TMTC2: variants seen among roughly 807,000 people sequenced by gnomAD.
TMTC2 encodes the protein transmembrane O-mannosyltransferase targeting cadherins 2, also known as protein O-mannosyl-transferase TMTC2.
Under a neutral mutation model 82.4 loss-of-function variants are expected in TMTC2, and 43 were observed. The ratio of observed to expected loss-of-function variants is 0.52; its 90% confidence interval spans 0.41 to 0.67. The LOEUF (loss-of-function observed/expected upper bound fraction) is 0.67. Ranked by LOEUF, TMTC2 falls within the 30% of genes least tolerant of loss-of-function variation. The pLI, the probability that TMTC2 is intolerant of heterozygous loss-of-function variation, is 0.00. For missense variants in TMTC2, 919 were observed against 1,012.4 expected, an observed-to-expected ratio of 0.91 and a Z score of 1.25; for synonymous variants, 408 against 381.9, an observed-to-expected ratio of 1.07 and a Z score of -0.80.
At chr12:82,868,699 CT>C (rs59925659) in intron 2 of TMTC2, among the ~76,000 whole-genome samples, 30,215 of 132,540 alleles carry the variant, frequency 0.23, 7,568 homozygotes, top group African/African-American at 0.65. Flanking sequence ...AAGTCTCTCT[CT>C]TTTTTTTTTT....
intron 8 of TMTC2, among the ~76,000 whole-genome samples, chr12:83,002,852 G>A (rs1328152163): frequency 6.6e-6 from 1 of 151,618 alleles, no homozygotes; most frequent in Non-Finnish European, 1.5e-5. Flanking sequence ...TATGTTCTAT[G>A]TGCAGATGAG....
intron 11 of TMTC2, among the ~76,000 whole-genome samples, chr12:83,082,277 A>C (rs560216636): frequency 1.3e-5 from 2 of 152,224 alleles, no homozygotes; most frequent in Admixed American, 1.3e-4. Flanking sequence ...TGTATCATTT[A>C]AAGTGTGCTA....
At chr12:82,761,926 C>A (rs531316483) in intron 1 of TMTC2, among the ~76,000 whole-genome samples, 12 of 139,494 alleles carry the variant, frequency 8.6e-5, no homozygotes, top group Non-Finnish European at 1.7e-4. Flanking sequence ...CTTTCTCTTT[C>A]CTTTCTTCCT....
intron 8 of TMTC2, among the ~76,000 whole-genome samples, chr12:82,997,221 C>CTCTCTCTCTATA (rs1451262969): frequency 1.7e-5 from 2 of 118,512 alleles, no homozygotes; most frequent in African/African-American, 7.4e-5. Flanking sequence ...CTCTCTCTCT[C>CTCTCTCTCTATA]TATATATATA....
At chr12:82,980,911 C>A (rs562358568) in intron 7 of TMTC2, among the ~76,000 whole-genome samples, 1 of 151,814 alleles carries the variant, frequency 6.6e-6, no homozygotes, top group South Asian at 2.1e-4. Flanking sequence ...TCATACATAC[C>A]CCACATTTTT....
At chr12:82,800,885 T>C (rs745729896) in intron 1 of TMTC2, among the ~76,000 whole-genome samples, 3 of 152,222 alleles carry the variant, frequency 2.0e-5, no homozygotes, top group Non-Finnish European at 4.4e-5. Context: ...TACATCATTA[T>C]TAAACAACAA....
intron 2 of TMTC2, among the ~76,000 whole-genome samples, chr12:82,884,890 T>A (rs1190391224): frequency 6.6e-6 from 1 of 152,096 alleles, no homozygotes; most frequent in African/African-American, 2.4e-5. Flanking sequence ...TTTTTCAGAC[T>A]TTTTTTGTTT....
At chr12:83,001,862 A>C (rs2137368846) in intron 8 of TMTC2, among the ~76,000 whole-genome samples, 1 of 152,250 alleles carries the variant, frequency 6.6e-6, no homozygotes, top group East Asian at 1.9e-4. Context: ...CACTGTTAGA[A>C]TAAACAAAGT....
At chr12:82,811,374 G>A (rs928549659) in intron 1 of TMTC2, among the ~76,000 whole-genome samples, 3 of 151,984 alleles carry the variant, frequency 2.0e-5, no homozygotes, top group African/African-American at 4.8e-5. Context: ...ATCTGCCCTT[G>A]TAGAAATTTT....
At chr12:82,800,851 G>T (rs1184708292) in intron 1 of TMTC2, among the ~76,000 whole-genome samples, 1 of 152,102 alleles carries the variant, frequency 6.6e-6, no homozygotes, top group African/African-American at 2.4e-5. Flanking sequence ...TTTGTGTGTG[G>T]CTTAGAGCTG....
chr12:82,960,639 A>G (rs913314726), intron 4 of TMTC2, among the ~76,000 whole-genome samples: 3 of 151,778 alleles, frequency 2.0e-5, no homozygotes, highest in African/African-American at 7.3e-5. Flanking sequence ...AGAGGGAGGG[A>G]GGAAAGGAGG....
rs1447471661 is a variant in TMTC2, at chr12:82,978,449, T to C, written c.1949-7476T>C. Among the ~76,000 whole-genome samples, 3 of 151,760 alleles carry C rather than the reference T, an allele frequency of 2.0e-5. No individual in the cohort carries two copies. The East Asian group carries it at 5.8e-4, about 29-fold the overall frequency. ...GAATTCAAAACCAATCCATCTAAAA[T>C]ACTATTTTGGTATATATGTTTAATT... On this transcript the variant is annotated intron_variant, in intron 7 of 11. Transcript: ENST00000321196.
intron 1 of TMTC2, among the ~76,000 whole-genome samples, chr12:82,707,544 T>A (rs1873420866): frequency 6.6e-6 from 1 of 152,228 alleles, no homozygotes; most frequent in African/African-American, 2.4e-5. Context: ...ATGGTGATCT[T>A]CATGACCATT....
intron 11 of TMTC2, among the ~76,000 whole-genome samples, chr12:83,091,033 T>G (rs1033779230): frequency 5.3e-5 from 8 of 152,212 alleles, no homozygotes; most frequent in African/African-American, 1.9e-4. Context: ...TCTGGGTGGT[T>G]TGTTAATCAC....
At chr12:83,123,709 G>A (rs370551909) in intron 11 of TMTC2, among the ~76,000 whole-genome samples, 27 of 152,090 alleles carry the variant, frequency 1.8e-4, no homozygotes, top group Non-Finnish European at 2.9e-4. Context: ...CTATTGGGGC[G>A]ACTCTTCACT....
chr12:82,728,875 G>A (rs1565724604), intron 1 of TMTC2, among the ~76,000 whole-genome samples: 1 of 152,198 alleles, frequency 6.6e-6, no homozygotes, highest in Non-Finnish European at 1.5e-5. Context: ...CAGCCAGCCA[G>A]CCCGCTGCAC....
intron 3 of TMTC2, among the ~76,000 whole-genome samples, chr12:82,912,815 G>C (rs529075938): frequency 6.6e-6 from 1 of 152,036 alleles, no homozygotes; most frequent in South Asian, 2.1e-4. Flanking sequence ...GTGCATACCT[G>C]TAGTTGCAGC....
intron 1 of TMTC2, among the ~76,000 whole-genome samples, chr12:82,783,042 T>C (rs746381423): frequency 6.6e-6 from 1 of 152,064 alleles, no homozygotes; most frequent in Non-Finnish European, 1.5e-5. Flanking sequence ...GAAAACAGGG[T>C]ACATTAGAAT....
At chr12:82,965,251 T>C in intron 5 of TMTC2, 142 bp downstream of exon 5, 1 of 664,558 alleles carries the variant, frequency 1.5e-6, no homozygotes, top group Non-Finnish European at 2.6e-6. Context: ...CTAACAATTA[T>C]ATCTCAATTG....
Sources: allele counts gnomAD v4.1 joint callset (sites outside exome capture counted in the v4.1 genomes callset), GRCh38; gene constraint gnomAD v4.1.1; transcripts MANE v1.5; gene names NCBI Gene and HGNC (gene_info 2026-07-23, HGNC 2026-07-21).